ANAPC7: variants seen among roughly 807,000 people sequenced by gnomAD.
The protein encoded by ANAPC7 is anaphase promoting complex subunit 7, also known as anaphase-promoting complex subunit 7.
ANAPC7 carries 25 observed loss-of-function variants against 63.3 expected under a neutral mutation model. The observed-to-expected ratio is 0.39, with a 90% CI of 0.29 to 0.55. ANAPC7 has a LOEUF of 0.55. Among genes scored for constraint, ANAPC7 ranks in the 20% least tolerant of loss-of-function variants. ANAPC7 has a pLI of 0.57. For missense variants in ANAPC7, 516 were observed against 691.7 expected (o/e 0.75, Z 2.85); for synonymous variants, 241 against 251.7 (o/e 0.96, Z 0.40).
chr12:110,382,290 T>C (rs1881927221), intron 7 of ANAPC7, among the ~76,000 whole-genome samples: 3 of 151,182 alleles, frequency 2.0e-5, no homozygotes, highest in Non-Finnish European at 4.4e-5. Context: ...GGCTCAGTAC[T>C]AAGCACAATG....
chr12:110,397,447 G>A (rs773169754), intron 1 of ANAPC7, among the ~76,000 whole-genome samples: 1 of 151,732 alleles, frequency 6.6e-6, no homozygotes, highest in Non-Finnish European at 1.5e-5. Flanking sequence ...CAGCTACTCG[G>A]GAAGCTGAGG....
intron 6 of ANAPC7, among the ~76,000 whole-genome samples, chr12:110,384,291 G>A (rs1220445081): frequency 6.6e-6 from 1 of 151,988 alleles, no homozygotes; most frequent in Non-Finnish European, 1.5e-5. Context: ...CAGCTACTCA[G>A]GGGGCTAAGG....
rs775879078 is a variant in ANAPC7 at position 110,381,966 on chromosome 12, A to C, written c.936-18T>G. 2.3e-4 allele frequency: 349 copies of C among 1,517,662 alleles called. No homozygotes were observed. The highest frequency in any genetic ancestry group is 3.0e-4 in the Non-Finnish European group (338 of 1,142,270). 94.0% of individuals were successfully genotyped at this position (1,517,662 alleles called of 1,614,324 possible). On this transcript the variant is annotated intron_variant, in intron 7 of 10. Coordinates refer to ENST00000455511, the MANE Select transcript of ANAPC7 (RefSeq NM_016238.3). ...TGTGACAGCTGGAGAAAAAAAAAAA[A>C]AAAAAAACACAAAAACCCCAGAAGT...
chr12:110,382,440 TTAAAAA>T (rs1319427900), intron 7 of ANAPC7, among the ~76,000 whole-genome samples: 1 of 26,764 alleles, frequency 3.7e-5, no homozygotes, highest in African/African-American at 1.8e-4. Context: ...GATTATCCTT[TTAAAAA>T]AAAAAAAAAA....
intron 1 of ANAPC7, among the ~76,000 whole-genome samples, chr12:110,397,493 T>C (rs550860567): frequency 6.8e-6 from 1 of 146,414 alleles, no homozygotes; most frequent in South Asian, 2.1e-4. Context: ...GTGGAGGTTA[T>C]AGTAAGCCGA....
chr12:110,382,288 A>G (rs1349671936), intron 7 of ANAPC7, among the ~76,000 whole-genome samples: 2 of 151,180 alleles, frequency 1.3e-5, no homozygotes, highest in Non-Finnish European at 2.9e-5. Context: ...ATGGCTCAGT[A>G]CTAAGCACAA....
chr12:110,397,371 G>A (rs1025616337), intron 1 of ANAPC7, among the ~76,000 whole-genome samples: 20 of 150,984 alleles, frequency 1.3e-4, no homozygotes, highest in African/African-American at 2.2e-4. Context: ...TGGCCAACAC[G>A]GTGGAACCCC....
chr12:110,374,024 C>T lies in ANAPC7; in HGVS notation c.*120G>A. On this transcript the variant is annotated 3_prime_UTR_variant, in exon 11 of 11. Transcript: ENST00000455511. ...GGAATTGGGAGCGAGGGGGCAGAGACCCCTGCTGCAATCACATGCTGAATC... is the reference window on the plus strand; with the variant it reads ...GGAATTGGGAGCGAGGGGGCAGAGATCCCTGCTGCAATCACATGCTGAATC... 2 of 1,178,634 alleles carry T rather than the reference C, an allele frequency of 1.7e-6. No homozygotes were observed. Among genetic ancestry groups the T allele is most frequent in the Admixed American group, 4.9e-5 (2 of 41,148 alleles). The allele number at this position is 1,178,634 out of a possible 1,614,324, so 73.0% of individuals were successfully genotyped here. A position where few individuals can be genotyped will look rare whatever the true frequency, so the allele number is the denominator to read the frequency against.
intron 1 of ANAPC7, among the ~76,000 whole-genome samples, chr12:110,403,052 G>C (rs952224148): frequency 3.9e-5 from 6 of 152,182 alleles, no homozygotes; most frequent in African/African-American, 1.4e-4. Context: ...CCGTTTTCAG[G>C]GGTTTCCCAA....
At chr12:110,384,455 A>G (rs1381950100) in intron 6 of ANAPC7, among the ~76,000 whole-genome samples, 1 of 151,904 alleles carries the variant, frequency 6.6e-6, no homozygotes, top group African/African-American at 2.4e-5. Flanking sequence ...CTATAATCCC[A>G]GCACTTTGGG....
Position 110,376,195 on chromosome 12 carries a change from T to C in ANAPC7, c.1379A>G (p.Asp460Gly). The C allele has an allele frequency of 6.2e-7, 1 of 1,614,076 alleles. No individual in the cohort carries two copies. Among genetic ancestry groups the C allele is most frequent in the Non-Finnish European group, 8.5e-7 (1 of 1,180,004 alleles). ...ELLSREQKYE[D>G]GIALLRNALA... ...TGCGTTCCTCAGCAAAGCAATTCCATCTTCATATTTCTGTTCTCTGCCTGG... is the reference window on the plus strand; with the variant it reads ...TGCGTTCCTCAGCAAAGCAATTCCACCTTCATATTTCTGTTCTCTGCCTGG... The change falls in exon 10 of 11, where the codon GAT (aspartate) becomes GGT (glycine). Residue 460 changes from aspartate (D) to glycine (G), a missense_variant. Coordinates refer to ENST00000455511, the MANE Select transcript of ANAPC7 (RefSeq NM_016238.3).
chr12:110,402,083 G>A (rs1371911557), intron 1 of ANAPC7, among the ~76,000 whole-genome samples: 4 of 151,180 alleles, frequency 2.6e-5, no homozygotes, highest in Non-Finnish European at 5.9e-5. Context: ...GCTGAGGCAG[G>A]AGGATCGCTT....
chr12:110,383,221 G>A (rs140857540), intron 6 of ANAPC7: 4,038 of 326,380 alleles, frequency 0.012, 152 homozygotes, highest in African/African-American at 0.077. Flanking sequence ...GGTGGATCAC[G>A]AGGTCAGGAG....
At position 110,381,956 on chromosome 12, in the gene ANAPC7, A is replaced by AG; in HGVS notation, c.936-9_936-8insC. On this transcript the variant is annotated splice_polypyrimidine_tract_variant and intron_variant, in intron 7 of 10. Transcript: ENST00000455511. Reference sequence around the variant, plus strand: ...CTATAGAAGCTGTGACAGCTGGAGAAAAAAAAAAAAAAAAAAACACAAAAA... The same window carrying AG: ...CTATAGAAGCTGTGACAGCTGGAGAAGAAAAAAAAAAAAAAAAACACAAAAA... 49 of 1,062,348 alleles carry AG rather than the reference A, an allele frequency of 4.6e-5. No individual in the cohort carries two copies. Among genetic ancestry groups the AG allele is most frequent in the Non-Finnish European group, 5.3e-5 (44 of 836,648 alleles). 65.8% of individuals were successfully genotyped at this position (1,062,348 alleles called of 1,614,324 possible). A position where few individuals can be genotyped will look rare whatever the true frequency, so the allele number is the denominator to read the frequency against.
chr12:110,383,915 A>C lies in ANAPC7; in HGVS notation c.818-955T>G, dbSNP rs549800469. On this transcript the variant is annotated intron_variant, in intron 6 of 10. Coordinates refer to ENST00000455511, the MANE Select transcript of ANAPC7 (RefSeq NM_016238.3). ...AAAAAAAAAGAAAAAAAAAAGAAAA[A>C]AGAAGGGCCAGGCGCGGTGGCTCAT... is the stretch of plus-strand genomic sequence containing the variant. 1.6e-3 allele frequency among the ~76,000 whole-genome samples: 233 copies of C among 146,586 alleles called. 1 individual carries two copies. Among genetic ancestry groups the C allele is most frequent in the Non-Finnish European group, 2.9e-3 (192 of 66,892 alleles).
chr12:110,393,102 G>T lies in ANAPC7; in HGVS notation c.408+1999C>A, dbSNP rs531576990. ...GAGCCACCATGCCCAGCCGACACCA[G>T]ATCTTTTGATTTTAGTTAAAGGTGT... On this transcript the variant is annotated intron_variant, in intron 3 of 10. Coordinates refer to ENST00000455511, the MANE Select transcript of ANAPC7 (RefSeq NM_016238.3). 6.6e-5 allele frequency among the ~76,000 whole-genome samples: 10 copies of T among 152,064 alleles called. 1 individual carries two copies. In the South Asian group the frequency reaches 2.1e-3, roughly 32 times the overall value.
At chr12:110,402,462 TG>T (rs1254582579) in intron 1 of ANAPC7, among the ~76,000 whole-genome samples, 1 of 151,920 alleles carries the variant, frequency 6.6e-6, no homozygotes, top group African/African-American at 2.4e-5. Context: ...CCCGAGTAGC[TG>T]GGACTACAGG....
intron 5 of ANAPC7, chr12:110,387,327 GAGAGAGAGGCAGAGAGAGAGAGAGAC>G (rs1882640914): frequency 7.5e-6 from 1 of 133,538 alleles, no homozygotes; most frequent in Non-Finnish European, 1.6e-5. Context: ...GACAGAGAGA[GAGAGAGAGGCAGAGAGAGAGAGAGAC>G]AGAGAGAGAG....
chr12:110,386,444 G>A lies in ANAPC7; in HGVS notation c.700C>T (p.Arg234Ter), dbSNP rs200412886. The change falls in exon 6 of 11, where the codon CGA becomes TGA. Residue 234 changes from arginine (R) to a stop codon, truncating the protein, a stop_gained. Coordinates refer to ENST00000455511, the MANE Select transcript of ANAPC7 (RefSeq NM_016238.3). LOFTEE classifies it high-confidence loss of function. Reference sequence around the variant, plus strand: ...CTTCCCAATAGGTCCACGTTATCTCGCAATAAGGATTTTTTCTCTAGTGAA... The same window carrying A: ...CTTCCCAATAGGTCCACGTTATCTCACAATAAGGATTTTTTCTCTAGTGAA... The part of the protein sequence containing the change: ...ICSLEKKSLL[R>*]DNVDLLGSLA... 5.6e-6 allele frequency: 9 copies of A among 1,611,950 alleles called. No homozygotes were observed. The highest frequency in any genetic ancestry group is 1.3e-5 in the African/African-American group (1 of 74,800).
Sources: allele counts gnomAD v4.1 joint callset (sites outside exome capture counted in the v4.1 genomes callset), GRCh38; gene constraint gnomAD v4.1.1; transcripts MANE v1.5; gene names NCBI Gene and HGNC (gene_info 2026-07-23, HGNC 2026-07-21).